The following SHISA9 variants were observed in gnomAD, a reference collection of about 807,000 sequenced individuals.
SHISA9 encodes shisa family member 9.
SHISA9 carries 13 observed loss-of-function variants against 38.0 expected under a neutral mutation model. The ratio of observed to expected loss-of-function variants is 0.34; its 90% CI spans 0.22 to 0.54. SHISA9 has a LOEUF of 0.54. SHISA9 is among the 20% of genes least tolerant of loss of function. SHISA9 has a pLI of 0.91. For synonymous variants in SHISA9, 275 were observed against 242.0 expected (o/e 1.14, Z -1.27); for missense variants, 538 against 575.8 (o/e 0.93, Z 0.67).
At chr16:13,063,760 G>T (rs542512879) in intron 2 of SHISA9, among the ~76,000 whole-genome samples, 27 of 152,108 alleles carry the variant, frequency 1.8e-4, no homozygotes, top group African/African-American at 6.5e-4. Flanking sequence ...GCAGAACCAG[G>T]TGGAAATGTG....
At chr16:13,411,768 C>T in the SHISA9 span, among the ~76,000 whole-genome samples, 25 of 152,322 alleles carry the variant, frequency 1.6e-4, no homozygotes, top group Admixed American at 2.0e-4. Context: ...TTGGTTGGAA[C>T]GTAGAGAGAT....
the SHISA9 span, among the ~76,000 whole-genome samples, chr16:13,408,962 T>G: frequency 2.0e-5 from 3 of 152,312 alleles, no homozygotes; most frequent in African/African-American, 7.2e-5. Context: ...CAGGTATTCT[T>G]GTTTTCATGT....
chr16:13,305,029 CA>C, the SHISA9 span, among the ~76,000 whole-genome samples: 7 of 152,166 alleles, frequency 4.6e-5, no homozygotes, highest in Non-Finnish European at 1.0e-4. Flanking sequence ...TGCTTGGGAC[CA>C]GAGGTGTTTT....
intron 2 of SHISA9, among the ~76,000 whole-genome samples, chr16:12,917,156 T>G (rs183238477): frequency 3.8e-4 from 58 of 152,298 alleles, no homozygotes; most frequent in African/African-American, 1.3e-3. Flanking sequence ...AATGGATTAT[T>G]GGGTTAGTTC....
At chr16:13,027,973 G>A (rs1039715122) in intron 2 of SHISA9, among the ~76,000 whole-genome samples, 2 of 142,874 alleles carry the variant, frequency 1.4e-5, no homozygotes, top group Non-Finnish European at 3.1e-5. Context: ...ACTGAAAGAA[G>A]CCAAGCACTA....
chr16:13,423,412 T>C, the SHISA9 span, among the ~76,000 whole-genome samples: 2 of 152,144 alleles, frequency 1.3e-5, no homozygotes, highest in Admixed American at 1.3e-4. Context: ...ATCTACCTTA[T>C]CCCCCAAAGT....
the SHISA9 span, among the ~76,000 whole-genome samples, chr16:13,450,351 G>A: frequency 5.9e-5 from 9 of 152,150 alleles, no homozygotes; most frequent in Non-Finnish European, 1.3e-4. Flanking sequence ...CTGATAAGTC[G>A]AAGTGAATAT....
At chr16:12,994,643 T>C (rs1030423208) in intron 2 of SHISA9, among the ~76,000 whole-genome samples, 13 of 152,328 alleles carry the variant, frequency 8.5e-5, no homozygotes, top group South Asian at 6.2e-4. Context: ...AGCAGAACTA[T>C]AGTTGACTCA....
rs868445913 is a variant in SHISA9 at position 12,901,962 on chromosome 16, C to T, written c.-103C>T. 12 of 1,024,760 alleles carry T rather than the reference C, an allele frequency of 1.2e-5. No homozygotes were observed. Among genetic ancestry groups the T allele is most frequent in the Non-Finnish European group, 2.5e-6 (2 of 788,538 alleles). The allele number at this position is 1,024,760 out of a possible 1,614,324, so 63.5% of individuals were successfully genotyped here. A position where few individuals can be genotyped will look rare whatever the true frequency, so the allele number is the denominator to read the frequency against. On this transcript the variant is annotated 5_prime_UTR_variant, in exon 1 of 5. Transcript: ENST00000558583. Reference sequence around the variant, plus strand: ...CCTGCATGTGCGGCCCGCGGCGGCTCGCAGCTCCCGGCAGCAGCCTCGGCA... The same window carrying T: ...CCTGCATGTGCGGCCCGCGGCGGCTTGCAGCTCCCGGCAGCAGCCTCGGCA...
chr16:13,326,201 C>T, the SHISA9 span, among the ~76,000 whole-genome samples: 393 of 152,046 alleles, frequency 2.6e-3, 3 homozygotes, highest in African/African-American at 9.0e-3. Context: ...GCCCACCCAC[C>T]GTAGGGAAGA....
chr16:13,147,973 G>A (rs989240118), intron 2 of SHISA9, among the ~76,000 whole-genome samples: 3 of 152,202 alleles, frequency 2.0e-5, no homozygotes, highest in African/African-American at 7.2e-5. Flanking sequence ...AGGTCCGAGA[G>A]GGGGACAGCA....
chr16:13,356,035 GCTC>G, the SHISA9 span, among the ~76,000 whole-genome samples: 3 of 152,214 alleles, frequency 2.0e-5, no homozygotes, highest in African/African-American at 7.2e-5. Flanking sequence ...CGTGTAGCAA[GCTC>G]CTGTGGGAGG....
At chr16:13,459,650 G>C in the SHISA9 span, among the ~76,000 whole-genome samples, 1 of 152,066 alleles carries the variant, frequency 6.6e-6, no homozygotes, top group African/African-American at 2.4e-5. Flanking sequence ...TCACAGAGAG[G>C]GAACTGTGCA....
intron 2 of SHISA9, among the ~76,000 whole-genome samples, chr16:13,052,091 A>G (rs556121039): frequency 1.3e-5 from 2 of 152,250 alleles, no homozygotes; most frequent in Admixed American, 6.5e-5. Flanking sequence ...ATAATTTCTT[A>G]TTGCAAGTCT....
At position 13,039,484 on chromosome 16, in the gene SHISA9, GGTT is replaced by G. The variant is rs1408349932; in HGVS notation, c.691+122670_691+122672del. On this transcript the variant is annotated intron_variant, in intron 2 of 4. Transcript: ENST00000558583. ...CCTGCCCAATGTGTCAATGTCATGG[GGTT>G]TTTTTTTTTTTTTTTTTTGAAACTT... 8.6e-3 allele frequency among the ~76,000 whole-genome samples: 883 copies of G among 102,518 alleles called. 8 individuals carry two copies. The highest frequency in any genetic ancestry group is 0.041 in the African/African-American group (820 of 20,238). The allele number at this position is 102,518 out of a possible 152,430, so 67.3% of individuals were successfully genotyped here.
At chr16:13,005,166 C>T (rs1031810514) in intron 2 of SHISA9, among the ~76,000 whole-genome samples, 2 of 151,928 alleles carry the variant, frequency 1.3e-5, no homozygotes, top group Non-Finnish European at 2.9e-5. Flanking sequence ...GAGTGTATCA[C>T]TGAGCTCAGT....
chr16:13,434,200 C>T, the SHISA9 span, among the ~76,000 whole-genome samples: 3 of 152,230 alleles, frequency 2.0e-5, no homozygotes, highest in East Asian at 5.8e-4. Flanking sequence ...CTACTCTTTC[C>T]ACATTCCTCT....
chr16:13,104,130 C>T (rs1207397255), intron 2 of SHISA9, among the ~76,000 whole-genome samples: 1 of 152,102 alleles, frequency 6.6e-6, no homozygotes, highest in Non-Finnish European at 1.5e-5. Context: ...CCAGCTAATG[C>T]CCTCATACGG....
chr16:13,068,726 G>C (rs2073463967), intron 2 of SHISA9, among the ~76,000 whole-genome samples: 1 of 152,228 alleles, frequency 6.6e-6, no homozygotes, highest in Non-Finnish European at 1.5e-5. Context: ...ATGTGTGTGT[G>C]TATAAATGTG....
Sources: allele counts gnomAD v4.1 joint callset (sites outside exome capture counted in the v4.1 genomes callset), GRCh38; gene constraint gnomAD v4.1.1; transcripts MANE v1.5; gene names NCBI Gene and HGNC (gene_info 2026-07-23, HGNC 2026-07-21).